LNX1: variants seen among roughly 807,000 people sequenced by gnomAD.
LNX1 encodes the protein E3 ubiquitin-protein ligase LNX.
Under a neutral mutation model 68.4 loss-of-function variants are expected in LNX1, and 54 were observed. The observed-to-expected ratio is 0.79, with a 90% CI of 0.63 to 0.99. The LOEUF is 0.99. LNX1 is among the 50% of genes least tolerant of loss of function. LNX1 has a pLI of 0.00. For missense variants in LNX1, 906 were observed against 926.4 expected, an observed-to-expected ratio of 0.98 and a Z score of 0.29; for synonymous variants, 336 against 350.0, an observed-to-expected ratio of 0.96 and a Z score of 0.45.
chr4:53,636,865 G>T (rs1199903244), intron 1 of LNX1, among the ~76,000 whole-genome samples: 3 of 151,296 alleles, frequency 2.0e-5, no homozygotes, highest in East Asian at 1.9e-4. Flanking sequence ...AAGGATACAG[G>T]GTCATGTTCT....
intron 1 of LNX1, among the ~76,000 whole-genome samples, chr4:53,650,419 G>T (rs1490587584): frequency 6.6e-6 from 1 of 152,106 alleles, no homozygotes; most frequent in Non-Finnish European, 1.5e-5. Flanking sequence ...GACATTTGGG[G>T]GACTGAGCAA....
At chr4:53,507,253 C>A in intron 4 of LNX1, 64 bp downstream of exon 4, 1 of 1,542,176 alleles carries the variant, frequency 6.5e-7, no homozygotes, top group South Asian at 1.2e-5. Flanking sequence ...CAGATTGCGT[C>A]ATCCCTGAAG....
At chr4:53,534,500 A>C (rs1728232915) in intron 2 of LNX1, among the ~76,000 whole-genome samples, 1 of 152,258 alleles carries the variant, frequency 6.6e-6, no homozygotes, top group African/African-American at 2.4e-5. Flanking sequence ...AAAATTAGCC[A>C]AGCATTGAGG....
chr4:53,501,669 G>A (rs528270995), intron 4 of LNX1, among the ~76,000 whole-genome samples: 5 of 152,254 alleles, frequency 3.3e-5, no homozygotes, highest in Admixed American at 6.5e-5. Flanking sequence ...AAACAGTGGC[G>A]CCAGTCCCTT....
At chr4:53,478,244 T>C (rs967018) in intron 8 of LNX1, among the ~76,000 whole-genome samples, 141,818 of 152,188 alleles carry the variant, frequency 0.93, 66,670 homozygotes, top group East Asian at 1. Flanking sequence ...ATCAACCCAC[T>C]AAAGAACCAC....
Position 53,508,063 on chromosome 4 carries a change from G to C in LNX1, c.545C>G (p.Pro182Arg). Residue 182 changes from proline to arginine, a missense_variant, in exon 3 of 11, where the codon CCT becomes CGT. Coordinates refer to ENST00000263925, the MANE Select transcript of LNX1 (RefSeq NM_001126328.3). ...LMTDEPGLDN[P>R]AYVSSAEDGQ... ...GTCCTCTGCCGAGGACACGTAGGCA[G>C]GGTTGTCTAGGCCAGGCTCGTCTGT... is the stretch of plus-strand genomic sequence containing the variant. 1 of 1,614,208 alleles carries C rather than the reference G, an allele frequency of 6.2e-7. No individual in the cohort carries two copies. Among genetic ancestry groups the C allele is most frequent in the Non-Finnish European group, 8.5e-7 (1 of 1,180,024 alleles).
At chr4:53,602,619 C>T (rs1352581496) in intron 2 of LNX1, among the ~76,000 whole-genome samples, 1 of 152,158 alleles carries the variant, frequency 6.6e-6, no homozygotes, top group Non-Finnish European at 1.5e-5. Context: ...ATGGCCTTTA[C>T]ACGTGGTGAC....
rs1726057562 is a variant in LNX1 at position 53,508,167 on chromosome 4, G to C, written c.441C>G (p.Gly147=). ...TKDRKRRSQD[G]CPDGCASLTA... is the part of the protein sequence containing the mutation. Reference sequence around the variant, plus strand: ...TGAGGCTCGCACAGCCGTCTGGACAGCCATCTTGTGAGCGCCTCTTCCTAT... The same window carrying C: ...TGAGGCTCGCACAGCCGTCTGGACACCCATCTTGTGAGCGCCTCTTCCTAT... Residue 147 remains glycine, a synonymous_variant, in exon 3 of 11, where the codon GGC becomes GGG. Transcript: ENST00000263925. The C allele has an allele frequency of 6.2e-7, 1 of 1,614,060 alleles. No individual in the cohort carries two copies. The highest frequency in any genetic ancestry group is 8.5e-7 in the Non-Finnish European group (1 of 1,180,026).
intron 1 of LNX1, chr4:53,575,610 G>A: frequency 7.7e-7 from 1 of 1,301,840 alleles, no homozygotes. Context: ...CCCACCTTGG[G>A]ACCAGGCCCG....
chr4:53,651,892 T>C (rs529408265), intron 1 of LNX1, among the ~76,000 whole-genome samples: 87 of 152,332 alleles, frequency 5.7e-4, no homozygotes, highest in African/African-American at 2.1e-3. Context: ...AAGAAGCTTT[T>C]AATGAAGGCC....
chr4:53,591,638 C>T (rs1732511055), upstream of LNX1: 3 of 949,696 alleles, frequency 3.2e-6, no homozygotes, highest in African/African-American at 3.5e-5. Flanking sequence ...CCCCGCCCAC[C>T]TGTCATTTAC....
chr4:53,495,795 C>T (rs113189215), intron 6 of LNX1, among the ~76,000 whole-genome samples: 28 of 152,280 alleles, frequency 1.8e-4, no homozygotes, highest in African/African-American at 5.8e-4. Context: ...ACACCTGCCT[C>T]GGCCTCCCAA....
intron 1 of LNX1, among the ~76,000 whole-genome samples, chr4:53,641,209 G>A (rs114630067): frequency 2.6e-5 from 4 of 151,572 alleles, no homozygotes; most frequent in Non-Finnish European, 5.9e-5. Flanking sequence ...AGGGCGGGGT[G>A]GGGGGGCACC....
At chr4:53,509,236 G>T (rs776778107) in intron 2 of LNX1, among the ~76,000 whole-genome samples, 8 of 152,156 alleles carry the variant, frequency 5.3e-5, no homozygotes, top group Non-Finnish European at 7.3e-5. Flanking sequence ...ATCATATCAC[G>T]AGCCCCTTTA....
chr4:53,615,742 T>C (rs1409474216), intron 2 of LNX1, among the ~76,000 whole-genome samples: 1 of 152,172 alleles, frequency 6.6e-6, no homozygotes, highest in Non-Finnish European at 1.5e-5. Context: ...TAAAATTATT[T>C]ATTCATTTAT....
intron 9 of LNX1, among the ~76,000 whole-genome samples, chr4:53,464,618 A>AAAC (rs1308870334): frequency 6.6e-6 from 1 of 152,138 alleles, no homozygotes. Flanking sequence ...TACTTTGAAC[A>AAAC]AACAGGTATA....
At chr4:53,615,156 G>A (rs1733640038) in intron 2 of LNX1, among the ~76,000 whole-genome samples, 1 of 152,162 alleles carries the variant, frequency 6.6e-6, no homozygotes, top group Admixed American at 6.5e-5. Flanking sequence ...ACAGGCTGTG[G>A]GAGATTTAGT....
At chr4:53,553,443 C>T (rs1241536580) in intron 2 of LNX1, among the ~76,000 whole-genome samples, 1 of 152,112 alleles carries the variant, frequency 6.6e-6, no homozygotes, top group Non-Finnish European at 1.5e-5. Flanking sequence ...ATTTTGAAAA[C>T]AAACTCCACC....
intron 9 of LNX1, among the ~76,000 whole-genome samples, chr4:53,468,145 G>C (rs576027547): frequency 1.1e-3 from 171 of 152,254 alleles, no homozygotes; most frequent in Non-Finnish European, 2.0e-3. Context: ...CTGATCTCTC[G>C]GCAGAAACTC....
Sources: gnomAD v4.1 joint callset for allele counts (sites outside exome capture counted in the v4.1 genomes callset) on GRCh38, gnomAD v4.1.1 for gene constraint, MANE v1.5 for transcripts, NCBI Gene and HGNC (gene_info 2026-07-23, HGNC 2026-07-21) for gene names.